The following PCDH15 variants were observed in gnomAD, a reference collection of about 807,000 sequenced individuals.
PCDH15 encodes protocadherin-15.
Under a neutral mutation model 178.5 loss-of-function variants are expected in PCDH15, and 129 were observed. That is an observed-to-expected ratio of 0.72 (90% confidence interval 0.63 to 0.84). The LOEUF is 0.84. Among genes scored for constraint, PCDH15 ranks in the 40% least tolerant of loss-of-function variants. The pLI, the probability that PCDH15 is intolerant of heterozygous loss-of-function variation, is 0.00. For synonymous variants in PCDH15, 800 were observed against 732.0 expected, an observed-to-expected ratio of 1.09 and a Z score of -1.50; for missense variants, 2,230 against 2,099.9, an observed-to-expected ratio of 1.06 and a Z score of -1.21.
chr10:55,028,202 G>C (rs1391495906), intron 2 of PCDH15, among the ~76,000 whole-genome samples: 3 of 151,844 alleles, frequency 2.0e-5, no homozygotes, highest in Non-Finnish European at 4.4e-5. Flanking sequence ...ACCAACAAAA[G>C]AGGTTAAGTA....
At chr10:54,043,559 T>A (rs1020619782) in intron 18 of PCDH15, among the ~76,000 whole-genome samples, 1 of 150,798 alleles carries the variant, frequency 6.6e-6, no homozygotes, top group South Asian at 2.1e-4. Context: ...GGCTAATTTT[T>A]GTATTTTTTT....
At chr10:53,814,936 C>A (rs1420002715) in intron 35 of PCDH15, among the ~76,000 whole-genome samples, 4 of 149,840 alleles carry the variant, frequency 2.7e-5, no homozygotes, top group African/African-American at 7.4e-5. Flanking sequence ...TGCACTCCAG[C>A]CTGGCGATGG....
At chr10:55,438,500 T>G (rs553310113) in intron 2 of PCDH15, among the ~76,000 whole-genome samples, 1 of 152,254 alleles carries the variant, frequency 6.6e-6, no homozygotes, top group East Asian at 1.9e-4. Flanking sequence ...ATATTTATAC[T>G]CTCATCCTAT....
chr10:54,518,782 C>G (rs1291533846), intron 3 of PCDH15, among the ~76,000 whole-genome samples: 1 of 152,142 alleles, frequency 6.6e-6, no homozygotes, highest in Non-Finnish European at 1.5e-5. Flanking sequence ...AGACCAATAT[C>G]CTTGATGAAC....
chr10:55,055,025 T>A (rs1418970756), intron 2 of PCDH15, among the ~76,000 whole-genome samples: 2 of 152,194 alleles, frequency 1.3e-5, no homozygotes, highest in Non-Finnish European at 2.9e-5. Flanking sequence ...TTTAATTACA[T>A]CCCATTTGTC....
intron 2 of PCDH15, among the ~76,000 whole-genome samples, chr10:55,521,376 T>C (rs940603116): frequency 7.0e-6 from 1 of 141,880 alleles, no homozygotes; most frequent in Non-Finnish European, 1.6e-5. Flanking sequence ...ATGCATTTAA[T>C]ACTGGCAGCA....
intron 23 of PCDH15, among the ~76,000 whole-genome samples, chr10:53,946,988 G>C (rs1307511459): frequency 6.6e-6 from 1 of 152,042 alleles, no homozygotes; most frequent in Non-Finnish European, 1.5e-5. Flanking sequence ...ACCTTGGCCA[G>C]GCTGGTCTTG....
At chr10:54,706,403 T>G (rs950311967) in intron 1 of PCDH15, among the ~76,000 whole-genome samples, 1 of 152,124 alleles carries the variant, frequency 6.6e-6, no homozygotes, top group African/African-American at 2.4e-5. Context: ...ATAGGGCTAA[T>G]AGGCCTATAA....
Position 53,821,409 on chromosome 10 carries a change from GA to G in PCDH15, c.4368-1180del, listed in dbSNP as rs752759856. On this transcript the variant is annotated intron_variant, in intron 32 of 37. Transcript: ENST00000644397. Reference sequence around the variant, plus strand: ...TTCTTACCAAATACATAGGCTTCAAGAAAAAACAGAACCTATCAATCATATC... The same window carrying G: ...TTCTTACCAAATACATAGGCTTCAAGAAAAACAGAACCTATCAATCATATC... 4 of 997,142 alleles carry G rather than the reference GA, an allele frequency of 4.0e-6. No homozygotes were observed. In the South Asian group the frequency reaches 1.7e-4, roughly 43 times the overall value. 61.8% of individuals were successfully genotyped at this position (997,142 alleles called of 1,614,324 possible).
At chr10:55,208,249 T>C (rs1485361918) in intron 1 of PCDH15, among the ~76,000 whole-genome samples, 1 of 152,052 alleles carries the variant, frequency 6.6e-6, no homozygotes, top group Non-Finnish European at 1.5e-5. Flanking sequence ...TTGGAGATAT[T>C]TCCATACAAG....
At chr10:54,556,378 T>C (rs2087266659) in intron 2 of PCDH15, among the ~76,000 whole-genome samples, 2 of 152,190 alleles carry the variant, frequency 1.3e-5, no homozygotes, top group Non-Finnish European at 2.9e-5. Context: ...TGAATCTCTC[T>C]ATAATTCTAC....
At chr10:54,631,922 A>T (rs2093711713) in intron 2 of PCDH15, among the ~76,000 whole-genome samples, 1 of 152,120 alleles carries the variant, frequency 6.6e-6, no homozygotes, top group South Asian at 2.1e-4. Context: ...CCGTGATTCA[A>T]CTACCTTCAC....
At chr10:55,350,587 T>C (rs2131966264) in intron 2 of PCDH15, among the ~76,000 whole-genome samples, 1 of 151,982 alleles carries the variant, frequency 6.6e-6, no homozygotes, top group Non-Finnish European at 1.5e-5. Flanking sequence ...CTTCTAGACA[T>C]CAAGTGTTCA....
At chr10:54,454,049 G>A (rs996124054) in intron 3 of PCDH15, among the ~76,000 whole-genome samples, 2 of 150,786 alleles carry the variant, frequency 1.3e-5, no homozygotes, top group Admixed American at 6.6e-5. Flanking sequence ...AAATATAATA[G>A]AGATTAAATA....
intron 3 of PCDH15, among the ~76,000 whole-genome samples, chr10:54,843,904 A>C (rs888266294): frequency 6.6e-6 from 1 of 152,028 alleles, no homozygotes; most frequent in Non-Finnish European, 1.5e-5. Context: ...ATACATGACA[A>C]ATGGCAATGA....
chr10:54,209,044 A>G (rs1216029408), intron 10 of PCDH15, among the ~76,000 whole-genome samples: 2 of 151,782 alleles, frequency 1.3e-5, no homozygotes, highest in African/African-American at 4.8e-5. Context: ...TATAACTTAT[A>G]TTTCACATCT....
At chr10:55,258,018 T>C (rs1842046773) in intron 1 of PCDH15, among the ~76,000 whole-genome samples, 1 of 152,206 alleles carries the variant, frequency 6.6e-6, no homozygotes, top group Non-Finnish European at 1.5e-5. Flanking sequence ...GACTAACAGC[T>C]GATCTCTTGG....
At chr10:55,214,693 T>G (rs1232307273) in intron 1 of PCDH15, among the ~76,000 whole-genome samples, 1 of 151,994 alleles carries the variant, frequency 6.6e-6, no homozygotes. Context: ...CTCAGGCTGC[T>G]CTGGAACTCC....
Position 54,912,443 on chromosome 10 carries a change from G to T in PCDH15, c.-79-14943C>A, listed in dbSNP as rs577538869. Reference sequence around the variant, plus strand: ...TGTTTAAAGGGTGGCAACTTCCCCTGCTCTCTCCTGCTCCACGAGGTGAAG... The same window carrying T: ...TGTTTAAAGGGTGGCAACTTCCCCTTCTCTCTCCTGCTCCACGAGGTGAAG... On this transcript the variant is annotated intron_variant, in intron 2 of 5. Coordinates refer to the PCDH15 transcript ENST00000458638. Among the ~76,000 whole-genome samples the T allele has an allele frequency of 1.5e-3, 221 of 152,144 alleles. 1 individual carries two copies. Among genetic ancestry groups the T allele is most frequent in the African/African-American group, 5.0e-3 (208 of 41,508 alleles).
Sources: allele counts gnomAD v4.1 joint callset (sites outside exome capture counted in the v4.1 genomes callset), GRCh38; gene constraint gnomAD v4.1.1; transcripts MANE v1.5; gene names NCBI Gene and HGNC (gene_info 2026-07-23, HGNC 2026-07-21).